The following TMEM45A variants were observed in gnomAD, a reference collection of about 807,000 sequenced individuals.
TMEM45A encodes DNA polymerase-transactivated protein 4.
In TMEM45A, 25 loss-of-function variants were observed where a neutral mutation model predicts 32.0. The ratio of observed to expected loss-of-function variants is 0.78; its 90% confidence interval spans 0.57 to 1.09. The LOEUF (loss-of-function observed/expected upper bound fraction) is 1.09, where lower values mean the gene tolerates loss of function less well. Ranked by LOEUF, TMEM45A falls within the 50% of genes least tolerant of loss-of-function variation. The pLI is 0.00. For synonymous variants in TMEM45A, 122 were observed against 114.8 expected (o/e 1.06, Z -0.40); for missense variants, 302 against 325.0 (o/e 0.93, Z 0.54).
intron 1 of TMEM45A, among the ~76,000 whole-genome samples, chr3:100,520,830 G>A (rs555222071): frequency 3.1e-4 from 47 of 152,216 alleles, no homozygotes; most frequent in Middle Eastern, 3.4e-3. Context: ...CACTTTCTCC[G>A]TCTTGGTCCA....
At chr3:100,536,653 A>T (rs1400027750) in intron 1 of TMEM45A, among the ~76,000 whole-genome samples, 1 of 152,152 alleles carries the variant, frequency 6.6e-6, no homozygotes, top group African/African-American at 2.4e-5. Context: ...ACTTATTCTT[A>T]AAAAAACTGA....
intron 1 of TMEM45A, among the ~76,000 whole-genome samples, chr3:100,526,455 C>T (rs116460914): frequency 8.9e-4 from 136 of 152,322 alleles, no homozygotes; most frequent in Non-Finnish European, 1.6e-3. Flanking sequence ...TTAACAACAG[C>T]TCAGGTTCTG....
chr3:100,531,832 A>T (rs1705654041), intron 1 of TMEM45A, among the ~76,000 whole-genome samples: 1 of 152,156 alleles, frequency 6.6e-6, no homozygotes, highest in Non-Finnish European at 1.5e-5. Context: ...TTTTAGCAAA[A>T]ATCATTTTTT....
At chr3:100,522,725 C>T (rs1275626115) in intron 1 of TMEM45A, among the ~76,000 whole-genome samples, 1 of 152,182 alleles carries the variant, frequency 6.6e-6, no homozygotes, top group East Asian at 1.9e-4. Context: ...TTTGTGTTTC[C>T]CTCTGGCACA....
At chr3:100,532,794 T>G (rs1275544277) in intron 1 of TMEM45A, among the ~76,000 whole-genome samples, 1 of 152,232 alleles carries the variant, frequency 6.6e-6, no homozygotes. Context: ...GGCAAGTTTT[T>G]CAGCCTTTCT....
chr3:100,494,630 T>TAA (rs529184506), intron 1 of TMEM45A, among the ~76,000 whole-genome samples: 34 of 145,396 alleles, frequency 2.3e-4, no homozygotes, highest in African/African-American at 6.8e-4. Context: ...AGACTCCGTC[T>TAA]AAAAAAAAAA....
chr3:100,493,120 CTTT>C (rs570241165), intron 1 of TMEM45A, among the ~76,000 whole-genome samples, 192 bp downstream of exon 1: 28,135 of 115,888 alleles, frequency 0.24, 2,768 homozygotes, highest in East Asian at 0.38. Context: ...GTTTGCTATT[CTTT>C]TTTTTTTTTT....
rs116469856 is a variant in TMEM45A at position 100,546,554 on chromosome 3, C to T, written c.-3-8655C>T. 3.1e-3 allele frequency among the ~76,000 whole-genome samples: 478 copies of T among 152,312 alleles called. 4 individuals are homozygous for T. The highest frequency in any genetic ancestry group is 5.1e-3 in the Non-Finnish European group (349 of 68,026). On this transcript the variant is annotated intron_variant, in intron 1 of 5. Coordinates refer to ENST00000323523, the MANE Select transcript of TMEM45A (RefSeq NM_018004.3). ...GTGATGCTTATCACTAGCATCTAGA[C>T]CTTTGTCAATCCATGACAAATGAAT...
intron 1 of TMEM45A, among the ~76,000 whole-genome samples, chr3:100,516,596 C>T (rs191653204): frequency 2.0e-5 from 3 of 152,274 alleles, no homozygotes; most frequent in South Asian, 2.1e-4. Flanking sequence ...TTCCTTTTCT[C>T]CCCAGACTCA....
At position 100,556,885 on chromosome 3, in the gene TMEM45A, G is replaced by A; in HGVS notation, c.316G>A (p.Gly106Ser). The stretch of plus-strand genomic sequence containing the variant: ...CATGTATTTCTTCTTTGGGCTGTTG[G>A]GTGTGGCAGATATCTTATGTTTCAC... Reference protein sequence around the residue: ...FTMYFFFGLLGVADILCFTIS... With the variant: ...FTMYFFFGLLSVADILCFTIS... The change falls in exon 3 of 6, where the codon GGT (glycine) becomes AGT (serine). Residue 106 changes from glycine (G) to serine (S), a missense_variant. Gly to Ser is a moderately conservative substitution (Grantham distance 56). Transcript: ENST00000323523. 1 of 1,614,140 alleles carries A rather than the reference G, an allele frequency of 6.2e-7. No homozygotes were observed. Among genetic ancestry groups the A allele is most frequent in the Non-Finnish European group, 8.5e-7 (1 of 1,180,010 alleles).
chr3:100,561,446 A>T lies in TMEM45A; in HGVS notation c.588+2857A>T, dbSNP rs115299524. Among the ~76,000 whole-genome samples, 782 of 152,264 alleles carry T rather than the reference A, an allele frequency of 5.1e-3. 10 individuals are homozygous for T. The highest frequency in any genetic ancestry group is 0.018 in the African/African-American group (750 of 41,534). On this transcript the variant is annotated intron_variant, in intron 4 of 5. Coordinates refer to ENST00000323523, the MANE Select transcript of TMEM45A (RefSeq NM_018004.3). The stretch of plus-strand genomic sequence containing the variant: ...TGTGAATTGAAGGAAACCAATACTC[A>T]GATTGGCCACTTTTTTATCACACAC...
At chr3:100,529,363 G>A (rs1705605866) in intron 1 of TMEM45A, among the ~76,000 whole-genome samples, 1 of 152,164 alleles carries the variant, frequency 6.6e-6, no homozygotes, top group Non-Finnish European at 1.5e-5. Context: ...TAAAGTGCAA[G>A]CTTGGTGCTT....
At chr3:100,568,469 G>T (rs1168595470) in intron 4 of TMEM45A, among the ~76,000 whole-genome samples, 1 of 152,102 alleles carries the variant, frequency 6.6e-6, no homozygotes, top group Non-Finnish European at 1.5e-5. Flanking sequence ...TTAACTGTGG[G>T]CATTTATTTA....
At chr3:100,531,392 G>A (rs1705644961) in intron 1 of TMEM45A, among the ~76,000 whole-genome samples, 1 of 152,108 alleles carries the variant, frequency 6.6e-6, no homozygotes, top group Non-Finnish European at 1.5e-5. Context: ...AACATTATAA[G>A]TATATCTGGA....
intron 1 of TMEM45A, among the ~76,000 whole-genome samples, chr3:100,554,109 A>G (rs1458703218): frequency 1.3e-5 from 2 of 151,772 alleles, no homozygotes; most frequent in South Asian, 2.1e-4. Context: ...TCTTTTCATT[A>G]TTCTGTTGAT....
Position 100,511,617 on chromosome 3 carries a change from A to G in TMEM45A, c.-4+18689A>G, listed in dbSNP as rs578067553. ...CATAATGACAGGATCAAATTCACAC[A>G]TAACAATATTAACTTTAAATGTAAA... is the stretch of plus-strand genomic sequence containing the variant. On this transcript the variant is annotated intron_variant, in intron 1 of 5. Transcript: ENST00000323523. 9.9e-5 allele frequency among the ~76,000 whole-genome samples: 15 copies of G among 152,152 alleles called. No homozygotes were observed. The South Asian group carries it at 2.7e-3, about 27-fold the overall frequency.
At chr3:100,556,701 C>T (rs1486853430) in intron 2 of TMEM45A, 59 bp from the exon 3 acceptor site, 29 of 1,454,252 alleles carry the variant, frequency 2.0e-5, no homozygotes, top group Non-Finnish European at 2.7e-5. Flanking sequence ...AGTCCTCCTG[C>T]ATCTTCTTGA....
chr3:100,519,611 T>G (rs1275679053), intron 1 of TMEM45A: 1 of 1,550,836 alleles, frequency 6.4e-7, no homozygotes, highest in Non-Finnish European at 8.7e-7. Context: ...ACCCAAAGGT[T>G]AGTTTGGCGT....
At chr3:100,517,585 C>A (rs1415718788) in intron 1 of TMEM45A, among the ~76,000 whole-genome samples, 1 of 152,156 alleles carries the variant, frequency 6.6e-6, no homozygotes. Flanking sequence ...TGTCCCCATG[C>A]CAAAGATCAG....
Sources: allele counts gnomAD v4.1 joint callset (sites outside exome capture counted in the v4.1 genomes callset), GRCh38; gene constraint gnomAD v4.1.1; transcripts MANE v1.5; gene names NCBI Gene and HGNC (gene_info 2026-07-23, HGNC 2026-07-21).